Variants in ELAPOR2 observed in about 807,000 individuals in gnomAD.
ELAPOR2 encodes endosome-lysosome associated apoptosis and autophagy regulator family member 2.
In ELAPOR2, 89 loss-of-function variants were observed where a neutral mutation model predicts 120.7. The ratio of observed to expected loss-of-function variants is 0.74; its 90% CI spans 0.62 to 0.88. The LOEUF (loss-of-function observed/expected upper bound fraction) is 0.88. Ranked by LOEUF, ELAPOR2 falls within the 40% of genes least tolerant of loss-of-function variation. ELAPOR2 has a pLI of 0.00. For synonymous variants in ELAPOR2, 444 were observed against 444.9 expected (o/e 1.00, Z 0.03); for missense variants, 1,134 against 1,251.6 (o/e 0.91, Z 1.42).
chr7:86,918,654 T>TA lies in ELAPOR2; in HGVS notation c.1491-111dup, dbSNP rs1459820057. Reference sequence around the variant, plus strand: ...TAAAAGCCATGCTCTTCTCTTCCTCTAATCTACCACTTCCCTCACCCACAA... The same window carrying TA: ...TAAAAGCCATGCTCTTCTCTTCCTCTAAATCTACCACTTCCCTCACCCACAA... On this transcript the variant is annotated intron_variant, in intron 11 of 21. Coordinates refer to ENST00000450689, the MANE Select transcript of ELAPOR2 (RefSeq NM_001142749.3). 5.9e-6 allele frequency: 4 copies of TA among 679,092 alleles called. No homozygotes were observed. The African/African-American group carries it at 7.2e-5, about 12-fold the overall frequency. 42.1% of individuals were successfully genotyped at this position (679,092 alleles called of 1,614,324 possible). A position where few individuals can be genotyped will look rare whatever the true frequency, so the allele number is the denominator to read the frequency against.
intron 1 of ELAPOR2, among the ~76,000 whole-genome samples, chr7:86,986,731 T>C (rs971583435): frequency 7.9e-5 from 12 of 151,880 alleles, no homozygotes; most frequent in Non-Finnish European, 1.6e-4. Context: ...TCCATGCTCA[T>C]GGATAGGAAG....
At chr7:86,946,159 T>TCTCACACACACACACACA (rs148805286) in intron 3 of ELAPOR2, among the ~76,000 whole-genome samples, 10 of 146,396 alleles carry the variant, frequency 6.8e-5, no homozygotes, top group African/African-American at 2.5e-4. Context: ...ATACCATTTC[T>TCTCACACACACACACACA]CACACACACA....
intron 1 of ELAPOR2, among the ~76,000 whole-genome samples, chr7:86,999,482 C>CA (rs955310218): frequency 3.3e-5 from 5 of 152,004 alleles, no homozygotes; most frequent in Admixed American, 2.0e-4. Context: ...AATTCAACTA[C>CA]AAAAATGGAT....
intron 19 of ELAPOR2, 42 bp downstream of exon 19, chr7:86,897,464 A>G: frequency 6.3e-7 from 1 of 1,589,704 alleles, no homozygotes; most frequent in Non-Finnish European, 8.6e-7. Context: ...CAGATTAACC[A>G]ACTATAATGC....
chr7:86,989,100 T>G (rs1562958012), intron 1 of ELAPOR2, among the ~76,000 whole-genome samples: 1 of 152,178 alleles, frequency 6.6e-6, no homozygotes, highest in Non-Finnish European at 1.5e-5. Flanking sequence ...GCTATTAAAA[T>G]AAAACAAACA....
intron 2 of ELAPOR2, among the ~76,000 whole-genome samples, chr7:86,961,127 T>C (rs765416992): frequency 1.2e-4 from 18 of 152,178 alleles, no homozygotes; most frequent in South Asian, 2.1e-4. Context: ...TATACATCTA[T>C]ATGTATTACT....
At chr7:87,049,809 T>C (rs1795051351) in intron 1 of ELAPOR2, among the ~76,000 whole-genome samples, 1 of 152,172 alleles carries the variant, frequency 6.6e-6, no homozygotes, top group Non-Finnish European at 1.5e-5. Context: ...ATGGTTTGAA[T>C]GTGTCCGTGA....
chr7:86,964,772 T>C, intron 2 of ELAPOR2, 132 bp downstream of exon 2: 3 of 862,350 alleles, frequency 3.5e-6, no homozygotes, highest in Non-Finnish European at 5.3e-6. Flanking sequence ...GCTGCATTTA[T>C]TCTGCTGGTT....
intron 1 of ELAPOR2, among the ~76,000 whole-genome samples, chr7:87,023,006 T>G (rs1361727421): frequency 6.6e-6 from 1 of 152,196 alleles, no homozygotes; most frequent in Non-Finnish European, 1.5e-5. Context: ...TTGCAAAAAT[T>G]TTCTCCCATT....
At chr7:87,044,226 T>C (rs1208569616) in intron 1 of ELAPOR2, among the ~76,000 whole-genome samples, 1 of 100,480 alleles carries the variant, frequency 1.0e-5, no homozygotes, top group Admixed American at 1.2e-4. Flanking sequence ...AAGCTACCAA[T>C]GACTTTCTTC....
In ELAPOR2 at chr7:86,965,080, G is replaced by C. The variant is rs1791856128; in HGVS notation, c.190-56C>G. 1.9e-6 allele frequency: 3 copies of C among 1,540,588 alleles called. No homozygotes were observed. In the East Asian group the frequency reaches 7.3e-5, roughly 38 times the overall value. On this transcript the variant is annotated intron_variant, in intron 1 of 21. Coordinates refer to ENST00000450689, the MANE Select transcript of ELAPOR2 (RefSeq NM_001142749.3). ...TAGAGCCAGTTCTAACGGGACAACT[G>C]TGCTTTCTCTATCACCCCAAGCCCC...
At chr7:86,987,103 T>C (rs568252246) in intron 1 of ELAPOR2, among the ~76,000 whole-genome samples, 11 of 152,148 alleles carry the variant, frequency 7.2e-5, no homozygotes, top group African/African-American at 2.4e-4. Flanking sequence ...GGAAAGGATT[T>C]CCTATTTAAT....
intron 1 of ELAPOR2, among the ~76,000 whole-genome samples, chr7:86,985,717 G>T (rs1020307251): frequency 1.3e-5 from 2 of 151,922 alleles, no homozygotes; most frequent in African/African-American, 4.8e-5. Flanking sequence ...TGCATAACAT[G>T]CAGGTTTGTT....
chr7:86,881,962 T>C (rs1434496939), intron 21 of ELAPOR2, among the ~76,000 whole-genome samples: 5 of 152,180 alleles, frequency 3.3e-5, no homozygotes, highest in Non-Finnish European at 4.4e-5. Flanking sequence ...TTTGCTTTCA[T>C]TGGGGTGGAT....
chr7:86,989,204 T>C (rs190802172), intron 1 of ELAPOR2, among the ~76,000 whole-genome samples: 4 of 152,352 alleles, frequency 2.6e-5, no homozygotes, highest in Admixed American at 1.3e-4. Flanking sequence ...TTAATCAACA[T>C]TGACTTTATT....
intron 1 of ELAPOR2, among the ~76,000 whole-genome samples, chr7:87,024,880 A>G (rs1794192788): frequency 6.6e-6 from 1 of 152,112 alleles, no homozygotes; most frequent in African/African-American, 2.4e-5. Flanking sequence ...GAATAGACCA[A>G]TAACAGGCTC....
At chr7:87,057,072 CA>C (rs1314940834) in intron 1 of ELAPOR2, among the ~76,000 whole-genome samples, 1 of 152,146 alleles carries the variant, frequency 6.6e-6, no homozygotes, top group Non-Finnish European at 1.5e-5. Context: ...TTAATGTTAA[CA>C]AAAAGTGGAA....
intron 2 of ELAPOR2, among the ~76,000 whole-genome samples, chr7:86,958,352 C>T (rs906174941): frequency 3.3e-5 from 5 of 152,090 alleles, no homozygotes; most frequent in Non-Finnish European, 7.4e-5. Context: ...ACAATTATAC[C>T]TGGCATATAG....
rs1458899384 is a variant in ELAPOR2, at chr7:86,881,115, A to G, written c.3031-585T>C. Among the ~76,000 whole-genome samples, 11 of 152,220 alleles carry G rather than the reference A, an allele frequency of 7.2e-5. No individual in the cohort carries two copies. In the East Asian group the frequency reaches 2.1e-3, roughly 29 times the overall value. Reference sequence around the variant, plus strand: ...AAATGTATCATTGCTGGCATTATATAAAACATTCAAAATGTAGACTATTAA... The same window carrying G: ...AAATGTATCATTGCTGGCATTATATGAAACATTCAAAATGTAGACTATTAA... On this transcript the variant is annotated intron_variant, in intron 21 of 21. Coordinates refer to ENST00000450689, the MANE Select transcript of ELAPOR2 (RefSeq NM_001142749.3).
Sources: gnomAD v4.1 joint callset for allele counts (sites outside exome capture counted in the v4.1 genomes callset) on GRCh38, gnomAD v4.1.1 for gene constraint, MANE v1.5 for transcripts, NCBI Gene and HGNC (gene_info 2026-07-23, HGNC 2026-07-21) for gene names.